Variants in BTN2A1 observed in about 807,000 individuals in gnomAD.
BTN2A1 encodes the protein butyrophilin, subfamily 2, member A1.
Under a neutral mutation model 34.5 loss-of-function variants are expected in BTN2A1, and 41 were observed. That is an observed-to-expected ratio of 1.19 (90% CI 0.93 to 1.54). The LOEUF is 1.54. BTN2A1 is among the 40% of genes most tolerant of loss of function. The pLI is 0.00. For missense variants in BTN2A1, 642 were observed against 662.0 expected (o/e 0.97, Z 0.33); for synonymous variants, 267 against 258.6 (o/e 1.03, Z -0.31).
chr6:26,467,707 C>T lies in BTN2A1; in HGVS notation c.983-241C>T, dbSNP rs748595148. The T allele has an allele frequency of 5.7e-6, 9 of 1,586,144 alleles. No individual in the cohort carries two copies. In the East Asian group the frequency reaches 6.8e-5, roughly 12 times the overall value. Reference sequence around the variant, plus strand: ...ATTTTACTTCATTTGCTAAACTTTCCGGATTTCTTAGAGCTCCAATTCTTC... The same window carrying T: ...ATTTTACTTCATTTGCTAAACTTTCTGGATTTCTTAGAGCTCCAATTCTTC... On this transcript the variant is annotated intron_variant, in intron 7 of 7. Transcript: ENST00000312541.
At chr6:26,472,792 T>G (rs938834782), downstream of BTN2A1, among the ~76,000 whole-genome samples, 1 of 152,070 alleles carries the variant, frequency 6.6e-6, no homozygotes, top group African/African-American at 2.4e-5. Flanking sequence ...GAGAAGAATT[T>G]TATCAAGCGA....
rs759317431 is a variant in BTN2A1, at chr6:26,459,818, CGTA to C, written c.423_425del (p.Val142del). ...CCTACGATGAGGCCATCCTGCACCT[CGTA>C]GTGGCAGGTGCGTCGCTTCATTTTG... is the stretch of plus-strand genomic sequence containing the variant. On this transcript the variant is annotated inframe_deletion, in exon 3 of 8. Coordinates refer to ENST00000312541, the MANE Select transcript of BTN2A1 (RefSeq NM_007049.5). The C allele has an allele frequency of 1.2e-5, 19 of 1,612,084 alleles. No individual in the cohort carries two copies. The South Asian group carries it at 2.1e-4, about 18-fold the overall frequency.
chr6:26,462,018 C>CAA lies in BTN2A1; in HGVS notation c.431-1216_431-1215dup, dbSNP rs1554136470. Among the ~76,000 whole-genome samples, 324 of 34,208 alleles carry CAA rather than the reference C, an allele frequency of 9.5e-3. 2 individuals carry two copies. The highest frequency in any genetic ancestry group is 9.3e-3 in the Non-Finnish European group (175 of 18,864). 22.4% of individuals were successfully genotyped at this position (34,208 alleles called of 152,430 possible). On this transcript the variant is annotated intron_variant, in intron 3 of 7. Coordinates refer to ENST00000312541, the MANE Select transcript of BTN2A1 (RefSeq NM_007049.5). Reference sequence around the variant, plus strand: ...CCCAGGCGATAGAGTGAGACTGTGTCAAAAAAAAAAATTTTTTTTTATTAA... The same window carrying CAA: ...CCCAGGCGATAGAGTGAGACTGTGTCAAAAAAAAAAAAATTTTTTTTTATTAA...
chr6:26,472,515 T>C (rs1488801201), downstream of BTN2A1, among the ~76,000 whole-genome samples: 1 of 152,204 alleles, frequency 6.6e-6, no homozygotes, highest in Non-Finnish European at 1.5e-5. Flanking sequence ...AAGGGTCTGT[T>C]TTATAACATA....
At position 26,468,394 on chromosome 6, in the gene BTN2A1, C is replaced by G; in HGVS notation, c.1429C>G (p.Arg477Gly). The change falls in exon 8 of 8, where the codon CGT (arginine) becomes GGT (glycine). Residue 477 changes from arginine (R) to glycine (G), a missense_variant. Transcript: ENST00000312541. ...CAGATCGCACATCTACACATGTCCCCGTTCAGCCTTTTCCGTGCCTGTGAG... is the reference window on the plus strand; with the variant it reads ...CAGATCGCACATCTACACATGTCCCGGTTCAGCCTTTTCCGTGCCTGTGAG... Reference protein sequence around the residue: ...RDRSHIYTCPRSAFSVPVRPF... With the variant: ...RDRSHIYTCPGSAFSVPVRPF... 6.2e-7 allele frequency: 1 copy of G among 1,614,204 alleles called. No homozygotes were observed. Among genetic ancestry groups the G allele is most frequent in the South Asian group, 1.1e-5 (1 of 91,084 alleles).
At chr6:26,466,250 T>G (rs1763313255) in intron 7 of BTN2A1, among the ~76,000 whole-genome samples, 162 bp downstream of exon 7, 1 of 152,196 alleles carries the variant, frequency 6.6e-6, no homozygotes. Flanking sequence ...ATCATGTCTC[T>G]TCTGTCAGGG....
chr6:26,474,864 T>C (rs1031284192), intron 7 of BTN2A1, among the ~76,000 whole-genome samples: 1 of 151,382 alleles, frequency 6.6e-6, no homozygotes, highest in Non-Finnish European at 1.5e-5. Context: ...TTCTCTGGCC[T>C]CAGCCTCCGG....
At chr6:26,476,275 C>T (rs1050951268) in exon 8 of BTN2A1, 103 of 1,181,890 alleles carry the variant, frequency 8.7e-5, no homozygotes, top group Middle Eastern at 5.7e-4. Context: ...AACTGCTGAG[C>T]GGGTCTGTAG....
downstream of BTN2A1, among the ~76,000 whole-genome samples, chr6:26,470,266 A>G (rs1298539236): frequency 6.6e-6 from 1 of 151,744 alleles, no homozygotes; most frequent in East Asian, 1.9e-4. Flanking sequence ...GAATCCTTGA[A>G]CCCCAGTGGG....
intron 7 of BTN2A1, chr6:26,467,582 G>A (rs1252261531): frequency 2.9e-5 from 26 of 886,108 alleles, no homozygotes; most frequent in Non-Finnish European, 4.0e-5. Context: ...AAAGTTCTGG[G>A]ATTACAGGCG....
chr6:26,459,163 G>A (rs529884938), intron 2 of BTN2A1, among the ~76,000 whole-genome samples: 1 of 152,202 alleles, frequency 6.6e-6, no homozygotes, highest in East Asian at 1.9e-4. Flanking sequence ...CCTATTGCAC[G>A]GCTCAAGTTT....
exon 8 of BTN2A1, chr6:26,476,346 C>T (rs1561876919): frequency 1.3e-6 from 1 of 757,808 alleles, no homozygotes; most frequent in Admixed American, 1.9e-5. Flanking sequence ...AGACTCACAC[C>T]AGTATCTTGC....
rs953127059 is a variant in BTN2A1 at position 26,467,994 on chromosome 6, G to A, written c.1029G>A (p.Leu343=). The part of the protein sequence containing the change: ...DPDTAHPDLF[L]SEDRRSVRRC... ...ACACCGCTCATCCCGATCTCTTCCTGTCAGAGGACCGGAGAAGTGTGAGAA... is the reference window on the plus strand; with the variant it reads ...ACACCGCTCATCCCGATCTCTTCCTATCAGAGGACCGGAGAAGTGTGAGAA... The change falls in exon 8 of 8, where the codon CTG becomes CTA. Residue 343 remains leucine (L), a synonymous_variant. Coordinates refer to ENST00000312541, the MANE Select transcript of BTN2A1 (RefSeq NM_007049.5). 5.0e-6 allele frequency: 8 copies of A among 1,614,100 alleles called. No homozygotes were observed. Among genetic ancestry groups the A allele is most frequent in the Non-Finnish European group, 6.8e-6 (8 of 1,180,040 alleles).
chr6:26,463,631 GGGCCCTAA>G, intron 4 of BTN2A1, 106 bp downstream of exon 4: 1 of 1,329,840 alleles, frequency 7.5e-7, no homozygotes, highest in South Asian at 1.4e-5. Context: ...AAATAGTCCT[GGGCCCTAA>G]GGACCTGGAG....
Position 26,476,484 on chromosome 6 carries a change from A to G in BTN2A1, c.*352A>G, listed in dbSNP as rs868568204. 1.9e-4 allele frequency: 93 copies of G among 486,936 alleles called. 2 individuals are homozygous for G. The Middle Eastern group carries it at 0.023, about 118-fold the overall frequency. The allele number at this position is 486,936 out of a possible 1,614,324, so 30.2% of individuals were successfully genotyped here. A position where few individuals can be genotyped will look rare whatever the true frequency, so the allele number is the denominator to read the frequency against. Reference sequence around the variant, plus strand: ...GTCTCTCTCTCTGGCCTGCAGAGTTAAAACATCTCAATAAATATAAAGTAT... The same window carrying G: ...GTCTCTCTCTCTGGCCTGCAGAGTTGAAACATCTCAATAAATATAAAGTAT... On this transcript the variant is annotated 3_prime_UTR_variant, in exon 8 of 8. Coordinates refer to the BTN2A1 transcript ENST00000469185.
intron 4 of BTN2A1, among the ~76,000 whole-genome samples, chr6:26,464,380 A>G (rs757177442): frequency 5.9e-5 from 9 of 152,244 alleles, no homozygotes; most frequent in East Asian, 1.9e-4. Flanking sequence ...TTAGTTAGCT[A>G]ACCATATATT....
chr6:26,458,590 C>G lies in BTN2A1; in HGVS notation c.-30-17C>G, dbSNP rs761276076. 2.5e-6 allele frequency: 4 copies of G among 1,603,668 alleles called. No individual in the cohort carries two copies. The highest frequency in any genetic ancestry group is 3.4e-6 in the Non-Finnish European group (4 of 1,170,760). On this transcript the variant is annotated splice_polypyrimidine_tract_variant and intron_variant, in intron 1 of 7. Transcript: ENST00000312541. Reference sequence around the variant, plus strand: ...AGGTGCCAAGACTCCTAGGCTGATTCTCCTCTGTAACCCTAGGCCTCCTGT... The same window carrying G: ...AGGTGCCAAGACTCCTAGGCTGATTGTCCTCTGTAACCCTAGGCCTCCTGT...
intron 4 of BTN2A1, among the ~76,000 whole-genome samples, chr6:26,464,525 C>A (rs1346430671): frequency 7.2e-5 from 11 of 152,152 alleles, no homozygotes; most frequent in Non-Finnish European, 8.8e-5. Context: ...GCCATCCCAT[C>A]TGATGGCAAG....
chr6:26,459,631 A>G lies in BTN2A1; in HGVS notation c.233A>G (p.Tyr78Cys), dbSNP rs369222034. 30 of 1,614,000 alleles carry G rather than the reference A, an allele frequency of 1.9e-5. No homozygotes were observed. In the East Asian group the frequency reaches 5.8e-4, roughly 31 times the overall value. Residue 78 changes from tyrosine to cysteine, a missense_variant, in exon 3 of 8, where the codon TAT (tyrosine) becomes TGT (cysteine). By Grantham distance (194) the Tyr-to-Cys change is radical. Coordinates refer to ENST00000312541, the MANE Select transcript of BTN2A1 (RefSeq NM_007049.5). ...RSQFSPAVFVYKGGRERTEEQ... is the reference protein window; with the variant it reads ...RSQFSPAVFVCKGGRERTEEQ... The stretch of plus-strand genomic sequence containing the variant: ...CAGTTCTCCCCCGCAGTGTTTGTGT[A>G]TAAAGGTGGCAGAGAGAGAACAGAG...
Sources: allele counts gnomAD v4.1 joint callset (sites outside exome capture counted in the v4.1 genomes callset), GRCh38; gene constraint gnomAD v4.1.1; transcripts MANE v1.5; gene names NCBI Gene and HGNC (gene_info 2026-07-23, HGNC 2026-07-21).